RERE: variants seen among roughly 807,000 people sequenced by gnomAD.
The protein encoded by RERE is arginine-glutamic acid dipeptide repeats protein.
Under a neutral mutation model 146.1 loss-of-function variants are expected in RERE, and 40 were observed. The observed-to-expected ratio is 0.27, with a 90% CI of 0.21 to 0.36. RERE has a LOEUF of 0.36. Among genes scored for constraint, RERE ranks in the 10% least tolerant of loss-of-function variants. The pLI is 1.00. For missense variants in RERE, 1,933 were observed against 2,138.7 expected, an observed-to-expected ratio of 0.90 and a Z score of 1.90; for synonymous variants, 1,003 against 866.0, an observed-to-expected ratio of 1.16 and a Z score of -2.78.
intron 1 of RERE, among the ~76,000 whole-genome samples, chr1:8,796,263 C>T (rs1230314140): frequency 6.6e-6 from 1 of 152,058 alleles, no homozygotes; most frequent in Non-Finnish European, 1.5e-5. Flanking sequence ...AAATAGCCTT[C>T]AAGTAGAAGT....
intron 4 of RERE, among the ~76,000 whole-genome samples, chr1:8,558,100 G>A (rs1646028135): frequency 6.6e-6 from 1 of 152,256 alleles, no homozygotes; most frequent in East Asian, 1.9e-4. Context: ...TGGTGATGAA[G>A]GTACTATGAG....
chr1:8,367,591 G>A (rs917621501), intron 12 of RERE, among the ~76,000 whole-genome samples: 1 of 152,172 alleles, frequency 6.6e-6, no homozygotes, highest in African/African-American at 2.4e-5. Context: ...AGCAGGGCCA[G>A]GGAGCCATCT....
intron 12 of RERE, among the ~76,000 whole-genome samples, chr1:8,384,015 C>G (rs1642549880): frequency 6.6e-6 from 1 of 152,096 alleles, no homozygotes; most frequent in East Asian, 1.9e-4. Flanking sequence ...GCTTAGATTA[C>G]AAACTCTCGT....
intron 1 of RERE, among the ~76,000 whole-genome samples, chr1:8,815,219 A>T (rs1641888478): frequency 6.6e-6 from 1 of 152,234 alleles, no homozygotes; most frequent in African/African-American, 2.4e-5. Flanking sequence ...ATCTTTTCTT[A>T]TAACCCTTAT....
intron 11 of RERE, among the ~76,000 whole-genome samples, chr1:8,433,734 GT>G: frequency 6.6e-6 from 1 of 150,870 alleles, no homozygotes; most frequent in Middle Eastern, 3.4e-3. Flanking sequence ...CTAATTTTTT[GT>G]ATTTTTAGTA....
At chr1:8,795,570 C>T (rs902595537) in intron 1 of RERE, among the ~76,000 whole-genome samples, 9 of 152,134 alleles carry the variant, frequency 5.9e-5, no homozygotes, top group Admixed American at 1.3e-4. Flanking sequence ...ATACTTCAAG[C>T]CCATAGTTCA....
chr1:8,528,532 T>C (rs1249736147), intron 7 of RERE, among the ~76,000 whole-genome samples: 2 of 152,202 alleles, frequency 1.3e-5, no homozygotes, highest in African/African-American at 2.4e-5. Flanking sequence ...CTATATTTCA[T>C]TCCCAAATTG....
chr1:8,722,672 C>T (rs1569634182), intron 1 of RERE, among the ~76,000 whole-genome samples: 2 of 152,268 alleles, frequency 1.3e-5, no homozygotes, highest in East Asian at 3.9e-4. Flanking sequence ...ATTCCATAAA[C>T]AATACAGTAT....
At chr1:8,682,787 G>A (rs1022689634) in intron 1 of RERE, among the ~76,000 whole-genome samples, 11 of 152,034 alleles carry the variant, frequency 7.2e-5, no homozygotes, top group Admixed American at 7.2e-4. Context: ...TACTTCACAG[G>A]TATGCCAGCC....
At chr1:8,606,505 TCTC>T (rs1222966488) in intron 4 of RERE, among the ~76,000 whole-genome samples, 15 of 152,192 alleles carry the variant, frequency 9.9e-5, no homozygotes, top group Non-Finnish European at 8.8e-5. Flanking sequence ...GCAGTTTCAA[TCTC>T]CTCATTTTAT....
intron 4 of RERE, among the ~76,000 whole-genome samples, chr1:8,606,202 C>A (rs1646706989): frequency 6.6e-6 from 1 of 152,096 alleles, no homozygotes; most frequent in Non-Finnish European, 1.5e-5. Context: ...AATTACACGA[C>A]CTTTCAAACT....
chr1:8,719,965 G>C (rs1215943759), intron 1 of RERE, among the ~76,000 whole-genome samples: 1 of 152,024 alleles, frequency 6.6e-6, no homozygotes, highest in Non-Finnish European at 1.5e-5. Flanking sequence ...AAATCTTCCT[G>C]AATAATTTAC....
chr1:8,660,151 T>G (rs1341395986), intron 1 of RERE, among the ~76,000 whole-genome samples: 1 of 152,136 alleles, frequency 6.6e-6, no homozygotes, highest in African/African-American at 2.4e-5. Flanking sequence ...ATTAATAATC[T>G]AAGCAAAAGT....
intron 1 of RERE, among the ~76,000 whole-genome samples, chr1:8,787,984 G>C (rs1641289269): frequency 6.6e-6 from 1 of 152,088 alleles, no homozygotes; most frequent in South Asian, 2.1e-4. Flanking sequence ...TGTAGTCCCA[G>C]CTACTTCGGA....
At chr1:8,567,192 A>C (rs1646163579) in intron 4 of RERE, among the ~76,000 whole-genome samples, 1 of 152,198 alleles carries the variant, frequency 6.6e-6, no homozygotes, top group Admixed American at 6.5e-5. Context: ...TGTAGGCACT[A>C]GGATCAAGGT....
intron 4 of RERE, among the ~76,000 whole-genome samples, chr1:8,580,845 T>C (rs1278440127): frequency 1.3e-5 from 2 of 151,990 alleles, no homozygotes; most frequent in African/African-American, 2.4e-5. Context: ...TGTGCCACCA[T>C]GCTCAGCTAA....
intron 8 of RERE, among the ~76,000 whole-genome samples, chr1:8,501,157 A>AGGGAGGT: frequency 7.5e-6 from 1 of 132,790 alleles, no homozygotes; most frequent in Non-Finnish European, 1.6e-5. Context: ...CCCGTCCGGG[A>AGGGAGGT]GGGGGGGTCA....
chr1:8,486,910 G>A (rs751873942), intron 10 of RERE, among the ~76,000 whole-genome samples: 6 of 152,020 alleles, frequency 3.9e-5, no homozygotes, highest in Non-Finnish European at 7.4e-5. Flanking sequence ...CAGGAAGAAC[G>A]ATTTCCCAAC....
In RERE at chr1:8,423,775, G is replaced by C; in HGVS notation, c.1204-968C>G. On this transcript the variant is annotated intron_variant, in intron 11 of 22. Transcript: ENST00000400908. This position sits in a 1 kb window ranked among gnomAD's most constrained non-coding sequence, Gnocchi z 5.4. The stretch of plus-strand genomic sequence containing the variant: ...GGGGCTGGGGCCGCCGCTGACGGGG[G>C]AGGAGGCAGGAGCGCGGCGCGCAGA... The C allele has an allele frequency of 2.5e-6, 2 of 792,936 alleles. No individual in the cohort carries two copies. The highest frequency in any genetic ancestry group is 3.0e-6 in the Non-Finnish European group (2 of 657,648). The allele number at this position is 792,936 out of a possible 1,614,324, so 49.1% of individuals were successfully genotyped here. A position where few individuals can be genotyped will look rare whatever the true frequency, so the allele number is the denominator to read the frequency against.
Sources: gnomAD v4.1 joint callset for allele counts (sites outside exome capture counted in the v4.1 genomes callset) on GRCh38, gnomAD v4.1.1 for gene constraint, Gnocchi (gnomAD v3.1) non-coding constraint, MANE v1.5 for transcripts, NCBI Gene and HGNC (gene_info 2026-07-23, HGNC 2026-07-21) for gene names.